KMT2D: variants seen among roughly 807,000 people sequenced by gnomAD.
KMT2D encodes the protein histone-lysine N-methyltransferase 2D.
A neutral mutation model predicts 512.7 loss-of-function variants in KMT2D; 55 were observed. That is an observed-to-expected ratio of 0.11 (90% CI 0.09 to 0.13). The LOEUF (loss-of-function observed/expected upper bound fraction) is 0.13, where lower values mean the gene tolerates loss of function less well. KMT2D is among the 10% of genes least tolerant of loss of function. KMT2D has a pLI of 1.00. For missense variants in KMT2D, 6,061 were observed against 7,127.9 expected (o/e 0.85, Z 5.39); for synonymous variants, 2,995 against 2,904.0 (o/e 1.03, Z -1.01).
rs990346523 is a variant in KMT2D at position 49,022,538 on chromosome 12, C to T, written c.16338+52G>A. On this transcript the variant is annotated intron_variant, in intron 52 of 54. Coordinates refer to ENST00000301067, the MANE Select transcript of KMT2D (RefSeq NM_003482.4). The surrounding 1 kb of genome is among the most constrained non-coding windows in gnomAD (Gnocchi z 8.6). ...TCCTGTGACCAATCCTGCCCTTGCT[C>T]CTTGGTTGAGTGCAGACTATGCACC... is the stretch of plus-strand genomic sequence containing the variant. 2 of 1,585,280 alleles carry T rather than the reference C, an allele frequency of 1.3e-6. No homozygotes were observed. The highest frequency in any genetic ancestry group is 1.3e-5 in the African/African-American group (1 of 74,478).
rs201190869 is a variant in KMT2D, at chr12:49,041,141, G to C, written c.6629C>G (p.Pro2210Arg). The change falls in exon 32 of 55, where the codon CCG becomes CGG. Residue 2210 changes from proline to arginine, a missense_variant. By Grantham distance (103) the Pro-to-Arg change is moderately radical (BLOSUM62 -2). Around this residue, in one of 16 missense-constraint regions of KMT2D, gnomAD observed 710 missense variants for 647.3 expected, o/e 1.10. Coordinates refer to ENST00000301067, the MANE Select transcript of KMT2D (RefSeq NM_003482.4). The surrounding 1 kb of genome is among the most constrained non-coding windows in gnomAD (Gnocchi z 5.4). ...AGGACGAGATGAGGCGCCCAGCATC[G>C]GGGGCTGCGCAGGGGCCCCCGTAGG... ...PSPTGAPAQPPMLGASSRPGA... is the reference protein window; with the variant it reads ...PSPTGAPAQPRMLGASSRPGA... 1 of 1,525,194 alleles carries C rather than the reference G, an allele frequency of 6.6e-7. No homozygotes were observed. The highest frequency in any genetic ancestry group is 8.8e-7 in the Non-Finnish European group (1 of 1,140,166). 94.5% of individuals were successfully genotyped at this position (1,525,194 alleles called of 1,614,324 possible).
rs1417070634 is a variant in KMT2D at position 49,052,662 on chromosome 12, G to A, written c.1160C>T (p.Ala387Val). The change falls in exon 10 of 55, where the codon GCT becomes GTT. Residue 387 changes from alanine to valine, a missense_variant. Coordinates refer to ENST00000301067, the MANE Select transcript of KMT2D (RefSeq NM_003482.4). ...CTGCCCTTGGCATGCAACGTACAGA[G>A]CATCGGGCTCGTCAGTGGGGGTATC... ...PGDTPTDEPD[A>V]LYVACQGQPK... 6.2e-7 allele frequency: 1 copy of A among 1,613,760 alleles called. No homozygotes were observed. The highest frequency in any genetic ancestry group is 8.5e-7 in the Non-Finnish European group (1 of 1,179,748).
chr12:49,047,051 A>T (rs919441504), intron 15 of KMT2D, among the ~76,000 whole-genome samples: 2 of 151,994 alleles, frequency 1.3e-5, no homozygotes, highest in Non-Finnish European at 2.9e-5. Flanking sequence ...TCACCATGTT[A>T]GTCAGGCTGG....
chr12:49,033,858 ACAG>A lies in KMT2D; in HGVS notation c.10844_10846del (p.Ala3615del). 1 of 1,556,984 alleles carries A rather than the reference ACAG, an allele frequency of 6.4e-7. No individual in the cohort carries two copies. Among genetic ancestry groups the A allele is most frequent in the Non-Finnish European group, 8.7e-7 (1 of 1,153,278 alleles). ...ACTCTGGGAAGGGCTGAGAGCCAGC[ACAG>A]CTGAGTGCTGTTGCTGTTGTTGCTG... On this transcript the variant is annotated inframe_deletion, in exon 40 of 55. Transcript: ENST00000301067.
Position 49,029,423 on chromosome 12 carries a change from G to A in KMT2D, c.14053C>T (p.His4685Tyr). ...TACCTGACATCCTCAGTCTGATTGT[G>A]AGGGGGTGTAGGCAAGGCAGCCAGC... is the stretch of plus-strand genomic sequence containing the variant. Reference protein sequence around the residue: ...DLLAALPTPPHNQTEDVRMES... With the variant: ...DLLAALPTPPYNQTEDVRMES... The change falls in exon 44 of 55, where the codon CAC becomes TAC. Residue 4685 changes from histidine (H) to tyrosine (Y), a missense_variant. His to Tyr is a moderately conservative substitution (Grantham distance 83, BLOSUM62 2). Transcript: ENST00000301067. The A allele has an allele frequency of 6.4e-7, 1 of 1,558,010 alleles. No homozygotes were observed. Among genetic ancestry groups the A allele is most frequent in the Non-Finnish European group, 8.7e-7 (1 of 1,150,190 alleles).
intron 1 of KMT2D, among the ~76,000 whole-genome samples, chr12:49,056,135 T>C (rs1460547508): frequency 1.3e-5 from 2 of 152,144 alleles, no homozygotes; most frequent in Non-Finnish European, 2.9e-5. Flanking sequence ...ACCTTGAGAG[T>C]TACTGAGCAT....
At position 49,029,232 on chromosome 12, in the gene KMT2D, C is replaced by G. The variant is rs587778483; in HGVS notation, c.14080G>C (p.Glu4694Gln). 185 of 1,610,704 alleles carry G rather than the reference C, an allele frequency of 1.1e-4. 1 individual carries two copies. The Admixed American group carries it at 3.1e-3, about 27-fold the overall frequency. ...PHNQTEDVRM[E>Q]SDEDSDSPDS... ...GGAGAATCGCTATCCTCATCACTCT[C>G]CATCCTGGGGACCAAAAGTAGACAT... The change falls in exon 45 of 55, where the codon GAG becomes CAG. Residue 4694 changes from glutamate to glutamine, a missense_variant. Physicochemically the swap from Glu to Gln is conservative, Grantham distance 29. Transcript: ENST00000301067.
rs1175523388 is a variant in KMT2D at position 49,037,321 on chromosome 12, T to C, written c.10035A>G (p.Pro3345=). 2 of 1,612,898 alleles carry C rather than the reference T, an allele frequency of 1.2e-6. No individual in the cohort carries two copies. Among genetic ancestry groups the C allele is most frequent in the South Asian group, 1.1e-5 (1 of 90,794 alleles). ...PAHALQQRLA[P]SMAMVSNQGH... is the part of the protein sequence containing the mutation. ...CTTGATTGGACACCATAGCCATGGA[T>C]GGAGCCAGGCGTTGCTGGAGGGCAT... is the stretch of plus-strand genomic sequence containing the variant. Residue 3345 remains proline, a synonymous_variant, in exon 35 of 55, where the codon CCA becomes CCG. Coordinates refer to ENST00000301067, the MANE Select transcript of KMT2D (RefSeq NM_003482.4).
rs969112211 is a variant in KMT2D, at chr12:49,032,162, A to G, written c.12543T>C (p.Ser4181=). ...QPPKPGPVLQ[S]GQGLPGVGIM... ...TTCCAACCCCAGGCAGACCCTGCCC[A>G]GACTGGAGGACAGGTCCTGGTTTGG... The change falls in exon 40 of 55, where the codon TCT becomes TCC. Residue 4181 remains serine (S), a synonymous_variant. Coordinates refer to ENST00000301067, the MANE Select transcript of KMT2D (RefSeq NM_003482.4). The G allele has an allele frequency of 2.5e-6, 4 of 1,613,076 alleles. No individual in the cohort carries two copies. The highest frequency in any genetic ancestry group is 3.4e-6 in the Non-Finnish European group (4 of 1,179,342).
In KMT2D at chr12:49,052,682, G is replaced by A. The variant is rs2120689853; in HGVS notation, c.1140C>T (p.Thr380=). The change falls in exon 10 of 55, where the codon ACC becomes ACT. Residue 380 remains threonine (T), a synonymous_variant. Transcript: ENST00000301067. ...SRFSPPEPGD[T]PTDEPDALYV... is the part of the protein sequence containing the mutation. ...ACAGAGCATCGGGCTCGTCAGTGGGGGTATCGCCAGGCTCTGGGGGTGAAA... is the reference window on the plus strand; with the variant it reads ...ACAGAGCATCGGGCTCGTCAGTGGGAGTATCGCCAGGCTCTGGGGGTGAAA... 1 of 1,613,698 alleles carries A rather than the reference G, an allele frequency of 6.2e-7. No homozygotes were observed. Among genetic ancestry groups the A allele is most frequent in the Non-Finnish European group, 8.5e-7 (1 of 1,179,746 alleles).
Position 49,039,866 on chromosome 12 carries a change from C to T in KMT2D, c.7904G>A (p.Arg2635Gln), listed in dbSNP as rs200359477. 1.5e-4 allele frequency: 245 copies of T among 1,613,912 alleles called. No homozygotes were observed. The highest frequency in any genetic ancestry group is 1.9e-4 in the Non-Finnish European group (228 of 1,179,910). Residue 2635 changes from arginine (R) to glutamine (Q), a missense_variant, in exon 32 of 55, where the codon CGA becomes CAA. Transcript: ENST00000301067. This position sits in a 1 kb window ranked among gnomAD's most constrained non-coding sequence, Gnocchi z 5.0. ...LPYLSHGASQ[R>Q]SGITSPVEKR... ...TTCGACAGGAGAGGTGATGCCTGAT[C>T]GCTGTGAGGCTCCATGGGACAGGTA...
At position 49,022,360 on chromosome 12, in the gene KMT2D, A is replaced by G; in HGVS notation, c.16339-7T>C. ...ACATGTAGATGCCTCGATTCTAGAA[A>G]GGCAGAGGTTGCAGAAGAAGGGACA... On this transcript the variant is annotated splice_polypyrimidine_tract_variant and splice_region_variant and intron_variant, in intron 52 of 54. Transcript: ENST00000301067. The surrounding 1 kb of genome is among the most constrained non-coding windows in gnomAD (Gnocchi z 8.6). 4 of 1,601,470 alleles carry G rather than the reference A, an allele frequency of 2.5e-6. No homozygotes were observed. The highest frequency in any genetic ancestry group is 3.4e-6 in the Non-Finnish European group (4 of 1,173,232).
Position 49,024,944 on chromosome 12 carries a change from C to A in KMT2D, c.15787G>T (p.Val5263Leu), listed in dbSNP as rs398123731. 2.1e-5 allele frequency: 34 copies of A among 1,590,212 alleles called. No homozygotes were observed. The highest frequency in any genetic ancestry group is 2.7e-5 in the African/African-American group (2 of 74,290). ...ACAGGCTCAATGATGCGATTCCACACGGCTAAGAAGCAGGGAAGAGAGCAG... is the reference window on the plus strand; with the variant it reads ...ACAGGCTCAATGATGCGATTCCACAAGGCTAAGAAGCAGGGAAGAGAGCAG... Reference protein sequence around the residue: ...LVFTDASPQAVWNRIIEPVAA... With the variant: ...LVFTDASPQALWNRIIEPVAA... The change falls in exon 50 of 55, where the codon GTG (valine) becomes TTG (leucine). Residue 5263 changes from valine (V) to leucine (L), a missense_variant and splice_region_variant. Around this residue, in one of 16 missense-constraint regions of KMT2D, gnomAD observed 261 missense variants for 440.7 expected, o/e 0.59. Transcript: ENST00000301067. This position sits in a 1 kb window ranked among gnomAD's most constrained non-coding sequence, Gnocchi z 4.5.
Position 49,038,040 on chromosome 12 carries a change from C to G in KMT2D, c.9316G>C (p.Ala3106Pro), listed in dbSNP as rs761708546. ...PEERPPPAADASEPRLASVLP... is the reference protein window; with the variant it reads ...PEERPPPAADPSEPRLASVLP... ...ACAGATGCCAGGCGGGGTTCAGAGGCATCAGCAGCAGGGGGAGGGCGCTCC... is the reference window on the plus strand; with the variant it reads ...ACAGATGCCAGGCGGGGTTCAGAGGGATCAGCAGCAGGGGGAGGGCGCTCC... Residue 3106 changes from alanine (A) to proline (P), a missense_variant, in exon 35 of 55, where the codon GCC (alanine) becomes CCC (proline). Physicochemically the swap from Ala to Pro is conservative, Grantham distance 27. This residue lies in a region of KMT2D where 533 missense variants were observed against 539.6 expected (regional missense o/e 0.99). Transcript: ENST00000301067. The surrounding 1 kb of genome is among the most constrained non-coding windows in gnomAD (Gnocchi z 5.7). The G allele has an allele frequency of 6.2e-7, 1 of 1,611,284 alleles. No individual in the cohort carries two copies. Among genetic ancestry groups the G allele is most frequent in the Non-Finnish European group, 8.5e-7 (1 of 1,178,932 alleles).
chr12:49,024,380 G>A lies in KMT2D; in HGVS notation c.16052+198C>T, dbSNP rs1036047920. On this transcript the variant is annotated intron_variant, in intron 51 of 54. Coordinates refer to ENST00000301067, the MANE Select transcript of KMT2D (RefSeq NM_003482.4). This position sits in a 1 kb window ranked among gnomAD's most constrained non-coding sequence, Gnocchi z 4.5. ...AAGATAATTCTGTCCTATATCCCAA[G>A]TGCATCTGAGCAGGTTGGGAGAGGA... Among the ~76,000 whole-genome samples the A allele has an allele frequency of 1.3e-5, 2 of 152,166 alleles. No individual in the cohort carries two copies. Among genetic ancestry groups the A allele is most frequent in the African/African-American group, 2.4e-5 (1 of 41,426 alleles).
intron 14 of KMT2D, 88 bp downstream of exon 14, chr12:49,048,571 C>CA: frequency 1.2e-6 from 1 of 821,690 alleles, no homozygotes; most frequent in Non-Finnish European, 2.0e-6. Flanking sequence ...GCTGGGTATC[C>CA]CCAAAGTAGG....
Position 49,039,975 on chromosome 12 carries a change from C to G in KMT2D, c.7795G>C (p.Gly2599Arg), listed in dbSNP as rs398123760. Residue 2599 changes from glycine (G) to arginine (R), a missense_variant, in exon 32 of 55, where the codon GGG (glycine) becomes CGG (arginine). Gly to Arg is a moderately radical substitution (Grantham distance 125). Coordinates refer to ENST00000301067, the MANE Select transcript of KMT2D (RefSeq NM_003482.4). The surrounding 1 kb of genome is among the most constrained non-coding windows in gnomAD (Gnocchi z 5.0). ...AGCCCATAGCTCTCCCCTGTGGACC[C>G]GCTGCTGGGCCCCAGGGGGCTGCCC... ...PSGSPLGPSS[G>R]STGESYGLSP... 6.2e-7 allele frequency: 1 copy of G among 1,613,754 alleles called. No homozygotes were observed. The highest frequency in any genetic ancestry group is 8.5e-7 in the Non-Finnish European group (1 of 1,179,802).
Position 49,044,597 on chromosome 12 carries a change from G to A in KMT2D, c.4964-75C>T, listed in dbSNP as rs1943700507. On this transcript the variant is annotated intron_variant, in intron 20 of 54. Coordinates refer to ENST00000301067, the MANE Select transcript of KMT2D (RefSeq NM_003482.4). The surrounding 1 kb of genome is among the most constrained non-coding windows in gnomAD (Gnocchi z 6.4). ...TTTAACCTTGTCATCCTGCCACTGA[G>A]AGAGCTGAATACCTTGCCTCAGAGC... is the stretch of plus-strand genomic sequence containing the variant. 6.3e-6 allele frequency: 10 copies of A among 1,583,638 alleles called. No homozygotes were observed. The highest frequency in any genetic ancestry group is 6.9e-6 in the Non-Finnish European group (8 of 1,163,884).
At position 49,032,094 on chromosome 12, in the gene KMT2D, A is replaced by C. The variant is rs1942948167; in HGVS notation, c.12611T>G (p.Val4204Gly). 2.5e-6 allele frequency: 4 copies of C among 1,613,228 alleles called. No homozygotes were observed. The highest frequency in any genetic ancestry group is 3.4e-6 in the Non-Finnish European group (4 of 1,179,682). The stretch of plus-strand genomic sequence containing the variant: ...CCGCAGCTGTGGGTTTTTGGCCAGG[A>C]CTCCTTGGAGCTGTGCTCGAAGCTG... ...VGQLRAQLQG[V>G]LAKNPQLRHL... Residue 4204 changes from valine to glycine, a missense_variant, in exon 40 of 55, where the codon GTC (valine) becomes GGC (glycine). Around this residue, in one of 16 missense-constraint regions of KMT2D, gnomAD observed 1,600 missense variants for 1,754.9 expected, o/e 0.91. Coordinates refer to ENST00000301067, the MANE Select transcript of KMT2D (RefSeq NM_003482.4).
Sources: allele counts gnomAD v4.1 joint callset (sites outside exome capture counted in the v4.1 genomes callset), GRCh38; gene constraint gnomAD v4.1.1; regional missense constraint gnomAD v4.1.1; non-coding constraint Gnocchi (gnomAD v3.1); transcripts MANE v1.5; gene names NCBI Gene and HGNC (gene_info 2026-07-23, HGNC 2026-07-21).